The following ROBO2 variants were observed in gnomAD, a reference collection of about 807,000 sequenced individuals.
ROBO2 encodes roundabout homolog 2.
ROBO2 carries 53 observed loss-of-function variants against 160.8 expected under a neutral mutation model. The observed-to-expected ratio is 0.33, with a 90% CI of 0.26 to 0.41. ROBO2 has a LOEUF of 0.41. Ranked by LOEUF, ROBO2 falls within the 10% of genes least tolerant of loss-of-function variation. The probability of loss-of-function intolerance (pLI) is 1.00; values close to 1 mark genes in which losing one functional copy is unlikely to be tolerated. For missense variants in ROBO2, 1,577 were observed against 1,722.4 expected (o/e 0.92, Z 1.49); for synonymous variants, 664 against 611.7 (o/e 1.09, Z -1.26).
intron 2 of ROBO2, among the ~76,000 whole-genome samples, chr3:77,104,282 A>G (rs1341793632): frequency 6.6e-6 from 1 of 152,112 alleles, no homozygotes; most frequent in African/African-American, 2.4e-5. Flanking sequence ...ACATTTTCCT[A>G]TTCTGGACAT....
At chr3:77,152,267 AG>A (rs904878315) in intron 2 of ROBO2, among the ~76,000 whole-genome samples, 2 of 152,212 alleles carry the variant, frequency 1.3e-5, no homozygotes, top group Non-Finnish European at 2.9e-5. Flanking sequence ...AAAATTTACT[AG>A]GTTCCATAGT....
intron 2 of ROBO2, among the ~76,000 whole-genome samples, chr3:76,412,873 C>G (rs1229066026): frequency 6.6e-6 from 1 of 152,318 alleles, no homozygotes; most frequent in East Asian, 1.9e-4. Context: ...CTGCACTAGA[C>G]AGTGCCCCAG....
At chr3:77,414,287 A>G (rs1423621695) in intron 2 of ROBO2, among the ~76,000 whole-genome samples, 1 of 152,212 alleles carries the variant, frequency 6.6e-6, no homozygotes, top group African/African-American at 2.4e-5. Flanking sequence ...CACCTTTATA[A>G]AAGCAATTTT....
chr3:76,509,544 C>A (rs1263312976), intron 2 of ROBO2, among the ~76,000 whole-genome samples: 2 of 152,210 alleles, frequency 1.3e-5, no homozygotes, highest in East Asian at 3.9e-4. Context: ...CAGATGGTAG[C>A]ATGTTTACAT....
At position 75,909,937 on chromosome 3, in the gene ROBO2, C is replaced by T. The variant is rs557863315; in HGVS notation, c.-14+2977C>T. On this transcript the variant is annotated intron_variant, in intron 1 of 26. Transcript: ENST00000487694. ...AGAGGGCTTTGCATATACATTAAAG[C>T]AGAATACCTAGTCAACTTCTAGTTA... 2.6e-5 allele frequency among the ~76,000 whole-genome samples: 4 copies of T among 152,214 alleles called. No homozygotes were observed. The East Asian group carries it at 7.7e-4, about 29-fold the overall frequency.
At chr3:77,317,367 A>T in intron 2 of ROBO2, 1 of 901,252 alleles carries the variant, frequency 1.1e-6, no homozygotes, top group Non-Finnish European at 1.8e-6. Flanking sequence ...CTCGGTGCCT[A>T]GTGTATTGTC....
At chr3:76,763,711 T>G (rs147639559) in intron 2 of ROBO2, among the ~76,000 whole-genome samples, 1 of 151,848 alleles carries the variant, frequency 6.6e-6, no homozygotes, top group East Asian at 2.0e-4. Flanking sequence ...TTGTTGATTT[T>G]AGTGTTCATA....
chr3:76,523,757 C>A (rs1414081210), intron 2 of ROBO2, among the ~76,000 whole-genome samples: 1 of 152,002 alleles, frequency 6.6e-6, no homozygotes, highest in Non-Finnish European at 1.5e-5. Flanking sequence ...GGATAAACAA[C>A]CTCCGTGAGA....
At chr3:77,506,996 C>T (rs1235013439) in intron 5 of ROBO2, among the ~76,000 whole-genome samples, 1 of 152,096 alleles carries the variant, frequency 6.6e-6, no homozygotes, top group East Asian at 1.9e-4. Flanking sequence ...TATATTTTTG[C>T]ACCTTTTCTA....
chr3:76,068,184 A>G (rs1332415640), intron 2 of ROBO2, among the ~76,000 whole-genome samples: 2 of 152,128 alleles, frequency 1.3e-5, no homozygotes, highest in Non-Finnish European at 2.9e-5. Flanking sequence ...TTGCAGGTAG[A>G]GAGGCCTGCA....
intron 2 of ROBO2, among the ~76,000 whole-genome samples, chr3:76,147,756 G>A (rs574746263): frequency 6.6e-6 from 1 of 151,900 alleles, no homozygotes; most frequent in Non-Finnish European, 1.5e-5. Context: ...GAGTATTATG[G>A]GGCATTAGAA....
chr3:76,401,985 TG>T, intron 2 of ROBO2, among the ~76,000 whole-genome samples: 1 of 151,668 alleles, frequency 6.6e-6, no homozygotes, highest in Non-Finnish European at 1.5e-5. Flanking sequence ...GGATAACTTC[TG>T]AATTTTTTAG....
chr3:76,368,101 A>G (rs1291868861), intron 2 of ROBO2, among the ~76,000 whole-genome samples: 1 of 151,844 alleles, frequency 6.6e-6, no homozygotes, highest in Non-Finnish European at 1.5e-5. Context: ...GAAAAATTCT[A>G]TCATTTTTTT....
chr3:77,491,549 C>T (rs2086114951), intron 4 of ROBO2, among the ~76,000 whole-genome samples: 1 of 152,066 alleles, frequency 6.6e-6, no homozygotes, highest in African/African-American at 2.4e-5. Flanking sequence ...ACCAACTATG[C>T]CAGCCCCAAA....
At chr3:77,408,726 T>C (rs2076456738) in intron 2 of ROBO2, among the ~76,000 whole-genome samples, 1 of 152,122 alleles carries the variant, frequency 6.6e-6, no homozygotes, top group African/African-American at 2.4e-5. Flanking sequence ...TTGTCTGTTT[T>C]ATTATTTTTT....
chr3:77,501,645 T>C (rs1430097123), intron 5 of ROBO2, among the ~76,000 whole-genome samples: 1 of 151,434 alleles, frequency 6.6e-6, no homozygotes, highest in African/African-American at 2.4e-5. Flanking sequence ...TTCTGAAAAA[T>C]TGTATAATTC....
At chr3:77,148,447 A>C (rs376762057) in intron 2 of ROBO2, among the ~76,000 whole-genome samples, 3 of 152,174 alleles carry the variant, frequency 2.0e-5, no homozygotes, top group East Asian at 1.9e-4. Context: ...TCTTCACTCA[A>C]CGCTTAAGAG....
At chr3:77,020,813 T>A (rs1687371620) in intron 2 of ROBO2, among the ~76,000 whole-genome samples, 1 of 152,198 alleles carries the variant, frequency 6.6e-6, no homozygotes, top group Admixed American at 6.5e-5. Flanking sequence ...AGATATAGTT[T>A]ATGTACATTA....
intron 2 of ROBO2, among the ~76,000 whole-genome samples, chr3:76,153,886 A>G (rs1451631520): frequency 2.6e-5 from 4 of 152,114 alleles, no homozygotes; most frequent in Non-Finnish European, 5.9e-5. Flanking sequence ...AGTAGCCCCA[A>G]CACAACTGCA....
Sources: allele counts gnomAD v4.1 joint callset (sites outside exome capture counted in the v4.1 genomes callset), GRCh38; gene constraint gnomAD v4.1.1; transcripts MANE v1.5; gene names NCBI Gene and HGNC (gene_info 2026-07-23, HGNC 2026-07-21).